ZFR2: variants seen among roughly 807,000 people sequenced by gnomAD.
ZFR2 encodes the protein zinc finger RNA-binding protein 2.
Under a neutral mutation model 105.7 loss-of-function variants are expected in ZFR2, and 104 were observed. The observed-to-expected ratio is 0.98, with a 90% CI of 0.84 to 1.16. The LOEUF is 1.16. ZFR2 is among the 50% of genes most tolerant of loss of function. The pLI, the probability that ZFR2 is intolerant of heterozygous loss-of-function variation, is 0.00. For missense variants in ZFR2, 1,425 were observed against 1,355.5 expected (o/e 1.05, Z -0.80); for synonymous variants, 634 against 597.7 (o/e 1.06, Z -0.89).
chr19:3,847,327 T>C (rs184947051), intron 1 of ZFR2, among the ~76,000 whole-genome samples: 77 of 152,120 alleles, frequency 5.1e-4, no homozygotes, highest in African/African-American at 1.9e-3. Context: ...GGTTCTAGAC[T>C]AGCCTGGCCA....
At chr19:3,864,439 T>C (rs1171910484) in intron 1 of ZFR2, among the ~76,000 whole-genome samples, 3 of 152,144 alleles carry the variant, frequency 2.0e-5, no homozygotes, top group Non-Finnish European at 4.4e-5. Context: ...CATCAAGTAT[T>C]ACACCAAAAT....
Position 3,822,077 on chromosome 19 carries a change from G to A in ZFR2, c.1491+4C>T, listed in dbSNP as rs746355785. The A allele has an allele frequency of 5.6e-6, 9 of 1,595,574 alleles. No individual in the cohort carries two copies. The East Asian group carries it at 1.8e-4, about 32-fold the overall frequency. Reference sequence around the variant, plus strand: ...GGTGTCGGAGCTCCCCCTGCTGGACGCACCCGGTACTGCAGCCGGTGCCGC... The same window carrying A: ...GGTGTCGGAGCTCCCCCTGCTGGACACACCCGGTACTGCAGCCGGTGCCGC... On this transcript the variant is annotated splice_donor_region_variant and intron_variant, in intron 9 of 18. Transcript: ENST00000262961.
rs1179933159 is a variant in ZFR2, at chr19:3,807,137, T to C, written c.2643+35A>G. On this transcript the variant is annotated intron_variant, in intron 18 of 18. Transcript: ENST00000262961. Reference sequence around the variant, plus strand: ...ACAGCTGCAAGCCGGAGCTGGGGCCTGGGTGTCACCCTTGCCGTGACTTGA... The same window carrying C: ...ACAGCTGCAAGCCGGAGCTGGGGCCCGGGTGTCACCCTTGCCGTGACTTGA... 6 of 1,485,700 alleles carry C rather than the reference T, an allele frequency of 4.0e-6. No individual in the cohort carries two copies. The African/African-American group carries it at 7.0e-5, about 17-fold the overall frequency. The allele number at this position is 1,485,700 out of a possible 1,614,324, so 92.0% of individuals were successfully genotyped here.
At position 3,831,998 on chromosome 19, in the gene ZFR2, C is replaced by T. The variant is rs372841514; in HGVS notation, c.380-120G>A. ...TAGATGCTTAAGCCAGGACCAGAGGCCAGAGCCTTGGGCCAGGTGCTGGCA... is the reference window on the plus strand; with the variant it reads ...TAGATGCTTAAGCCAGGACCAGAGGTCAGAGCCTTGGGCCAGGTGCTGGCA... On this transcript the variant is annotated intron_variant, in intron 3 of 18. Coordinates refer to ENST00000262961, the MANE Select transcript of ZFR2 (RefSeq NM_015174.2). The T allele has an allele frequency of 1.1e-3, 933 of 844,262 alleles. 24 individuals are homozygous for T. The South Asian group carries it at 0.025, about 23-fold the overall frequency. The allele number at this position is 844,262 out of a possible 1,614,324, so 52.3% of individuals were successfully genotyped here.
chr19:3,854,389 T>TA (rs35877592), intron 1 of ZFR2, among the ~76,000 whole-genome samples: 73,693 of 150,848 alleles, frequency 0.49, 18,034 homozygotes, highest in East Asian at 0.53. Context: ...CGAGACTGTC[T>TA]AAAAAAAAAG....
rs1156746759 is a variant in ZFR2, at chr19:3,838,117, A to G, written c.54-3134T>C. On this transcript the variant is annotated intron_variant, in intron 1 of 18. Coordinates refer to ENST00000262961, the MANE Select transcript of ZFR2 (RefSeq NM_015174.2). This position sits in a 1 kb window ranked among gnomAD's most constrained non-coding sequence, Gnocchi z 4.9. ...ATGAACACCGTGACCGTGACACTCGATGAACACCGTGACTGTGACACACAA... is the reference window on the plus strand; with the variant it reads ...ATGAACACCGTGACCGTGACACTCGGTGAACACCGTGACTGTGACACACAA... 6.6e-6 allele frequency among the ~76,000 whole-genome samples: 1 copy of G among 151,716 alleles called. No homozygotes were observed. Among genetic ancestry groups the G allele is most frequent in the African/African-American group, 2.4e-5 (1 of 41,232 alleles).
rs577277973 is a variant in ZFR2 at position 3,811,202 on chromosome 19, G to A, written c.2337+70C>T. The A allele has an allele frequency of 7.6e-4, 1,082 of 1,424,268 alleles. 2 individuals carry two copies. The highest frequency in any genetic ancestry group is 6.5e-4 in the Non-Finnish European group (696 of 1,073,338). The allele number at this position is 1,424,268 out of a possible 1,614,324, so 88.2% of individuals were successfully genotyped here. A position where few individuals can be genotyped will look rare whatever the true frequency, so the allele number is the denominator to read the frequency against. ...GGGGCTGAGGCGGCCGCGCCGGGTTGACCTGGTGCCTCTGAGCTACGTTCC... is the reference window on the plus strand; with the variant it reads ...GGGGCTGAGGCGGCCGCGCCGGGTTAACCTGGTGCCTCTGAGCTACGTTCC... On this transcript the variant is annotated intron_variant, in intron 15 of 18. Transcript: ENST00000262961.
chr19:3,844,988 G>A (rs1455383751), intron 1 of ZFR2, among the ~76,000 whole-genome samples: 1 of 147,166 alleles, frequency 6.8e-6, no homozygotes, highest in African/African-American at 2.6e-5. Flanking sequence ...TACCACAGCT[G>A]GGTGGCTTCA....
At position 3,831,892 on chromosome 19, in the gene ZFR2, A is replaced by G. The variant is rs1599237066; in HGVS notation, c.380-14T>C. On this transcript the variant is annotated splice_polypyrimidine_tract_variant and intron_variant, in intron 3 of 18. Transcript: ENST00000262961. ...CTTCTTGGGTCCCTAGGGGACAGGGACAGGCCCTCTGCAGAGCCAACCCCC... is the reference window on the plus strand; with the variant it reads ...CTTCTTGGGTCCCTAGGGGACAGGGGCAGGCCCTCTGCAGAGCCAACCCCC... 1 of 1,539,842 alleles carries G rather than the reference A, an allele frequency of 6.5e-7. No individual in the cohort carries two copies. The highest frequency in any genetic ancestry group is 8.7e-7 in the Non-Finnish European group (1 of 1,148,504).
rs1277043239 is a variant in ZFR2 at position 3,845,474 on chromosome 19, CA to C, written c.54-10492del. Among the ~76,000 whole-genome samples, 13 of 134,002 alleles carry C rather than the reference CA, an allele frequency of 9.7e-5. No individual in the cohort carries two copies. The East Asian group carries it at 2.7e-3, about 28-fold the overall frequency. 87.9% of individuals were successfully genotyped at this position (134,002 alleles called of 152,430 possible). A position where few individuals can be genotyped will look rare whatever the true frequency, so the allele number is the denominator to read the frequency against. ...CTATCTCTATTAAAGAAGAAAATTT[CA>C]AAAAAAGAAAAAAAAAAAAGGTAAA... On this transcript the variant is annotated intron_variant, in intron 1 of 18. Coordinates refer to ENST00000262961, the MANE Select transcript of ZFR2 (RefSeq NM_015174.2).
chr19:3,857,775 C>T (rs1451901233), intron 1 of ZFR2, among the ~76,000 whole-genome samples: 2 of 151,760 alleles, frequency 1.3e-5, no homozygotes, highest in African/African-American at 4.8e-5. Flanking sequence ...CTATTTGCTG[C>T]TGCTGCTGCT....
chr19:3,822,120 G>A lies in ZFR2; in HGVS notation c.1452C>T (p.Asp484=), dbSNP rs754043123. 6.2e-7 allele frequency: 1 copy of A among 1,610,198 alleles called. No homozygotes were observed. The highest frequency in any genetic ancestry group is 8.5e-7 in the Non-Finnish European group (1 of 1,178,596). The change falls in exon 9 of 19, where the codon GAC becomes GAT. Residue 484 remains aspartate, a synonymous_variant. Transcript: ENST00000262961. ...GGTGCCGCCGCCCCCTCACGTGCAG[G>A]TCCTTCGCGTTAAGGTCGTTGAAAC... ...ECSFNDLNAK[D]LHVRGRRHRL...
At chr19:3,828,102 G>A (rs1002142682) in intron 5 of ZFR2, among the ~76,000 whole-genome samples, 7 of 151,152 alleles carry the variant, frequency 4.6e-5, no homozygotes, top group African/African-American at 1.7e-4. Context: ...TGACAGGAGC[G>A]CACCACCGCG....
rs755135272 is a variant in ZFR2 at position 3,813,788 on chromosome 19, G to C, written c.2242+32C>G. 74 of 1,611,646 alleles carry C rather than the reference G, an allele frequency of 4.6e-5. 1 individual carries two copies. Among genetic ancestry groups the C allele is most frequent in the South Asian group, 4.1e-4 (37 of 90,966 alleles). On this transcript the variant is annotated intron_variant, in intron 14 of 18. Coordinates refer to ENST00000262961, the MANE Select transcript of ZFR2 (RefSeq NM_015174.2). This position sits in a 1 kb window ranked among gnomAD's most constrained non-coding sequence, Gnocchi z 4.4. ...GAGCGCCCTGGGGAAGCGTGAGGGG[G>C]ACAGTGGTTGGAAGGAAGGGCTGGG...
In ZFR2 at chr19:3,816,689, C is replaced by A; in HGVS notation, c.2088G>T (p.Leu696=). The A allele has an allele frequency of 6.2e-7, 1 of 1,608,864 alleles. No individual in the cohort carries two copies. The highest frequency in any genetic ancestry group is 8.5e-7 in the Non-Finnish European group (1 of 1,177,158). ...HSLLRRIAQQ[L]PRQLQMVTED... is the part of the protein sequence containing the mutation. ...CTGACCTTACCTGGAGCTGCCGGGG[C>A]AGCTGCTGGGCGATCCTCCGCAGCA... The change falls in exon 13 of 19, where the codon CTG becomes CTT. Residue 696 remains leucine, a synonymous_variant. Transcript: ENST00000262961.
At chr19:3,819,292 T>TGGGCAGGCGGGCAGGTGG in intron 11 of ZFR2, 57 bp from the exon 12 acceptor site, 1 of 1,400,266 alleles carries the variant, frequency 7.1e-7, no homozygotes, top group South Asian at 1.5e-5. Context: ...TGGGGAGTGC[T>TGGGCAGGCGGGCAGGTGG]GGGCAGGCGG....
At position 3,858,166 on chromosome 19, in the gene ZFR2, G is replaced by A. The variant is rs957223706; in HGVS notation, c.53+10799C>T. 2.6e-5 allele frequency among the ~76,000 whole-genome samples: 4 copies of A among 152,150 alleles called. No homozygotes were observed. Among genetic ancestry groups the A allele is most frequent in the Non-Finnish European group, 4.4e-5 (3 of 68,032 alleles). ...CTCAAGGGGACGTCAAGGCCTAGGG[G>A]ATGGAATGGGCCCATCTGAGCTGCC... On this transcript the variant is annotated intron_variant, in intron 1 of 18. Transcript: ENST00000262961. This position sits in a 1 kb window ranked among gnomAD's most constrained non-coding sequence, Gnocchi z 4.3.
chr19:3,840,270 C>T (rs991753081), intron 1 of ZFR2, among the ~76,000 whole-genome samples: 3 of 151,670 alleles, frequency 2.0e-5, no homozygotes, highest in Admixed American at 2.0e-4. Context: ...GACAGTCTTG[C>T]TCTGTCGCCC....
intron 11 of ZFR2, 64 bp downstream of exon 11, chr19:3,820,118 G>A (rs1404458186): frequency 4.7e-6 from 7 of 1,493,320 alleles, no homozygotes; most frequent in Non-Finnish European, 6.4e-6. Flanking sequence ...CTCCCGAGGA[G>A]GTGTCCGCTG....
Sources: gnomAD v4.1 joint callset for allele counts (sites outside exome capture counted in the v4.1 genomes callset) on GRCh38, gnomAD v4.1.1 for gene constraint, Gnocchi (gnomAD v3.1) non-coding constraint, MANE v1.5 for transcripts, NCBI Gene and HGNC (gene_info 2026-07-23, HGNC 2026-07-21) for gene names.